SMYD3: variants seen among roughly 807,000 people sequenced by gnomAD.
SMYD3 encodes the protein SET and MYND domain containing 3.
In SMYD3, 36 loss-of-function variants were observed where a neutral mutation model predicts 57.7. The observed-to-expected ratio is 0.62, with a 90% CI of 0.48 to 0.82. The LOEUF (loss-of-function observed/expected upper bound fraction) is 0.82. Among genes scored for constraint, SMYD3 ranks in the 40% least tolerant of loss-of-function variants. The pLI is 0.00. For synonymous variants in SMYD3, 211 were observed against 195.0 expected (o/e 1.08, Z -0.68); for missense variants, 515 against 538.8 (o/e 0.96, Z 0.44).
At chr1:246,350,639 C>A (rs2065807391) in intron 2 of SMYD3, among the ~76,000 whole-genome samples, 1 of 137,332 alleles carries the variant, frequency 7.3e-6, no homozygotes, top group African/African-American at 2.8e-5. Context: ...GGAAGTGGGT[C>A]TGGGGGAAGA....
intron 1 of SMYD3, among the ~76,000 whole-genome samples, chr1:246,419,145 T>G (rs561602640): frequency 6.6e-6 from 1 of 152,094 alleles, no homozygotes; most frequent in Non-Finnish European, 1.5e-5. Context: ...CTAGCAAAAA[T>G]TGCTCCTAAC....
At chr1:245,826,033 TTAAA>T (rs2049470828) in intron 10 of SMYD3, among the ~76,000 whole-genome samples, 1 of 146,666 alleles carries the variant, frequency 6.8e-6, no homozygotes, top group African/African-American at 2.5e-5. Flanking sequence ...TTGTATTTAA[TTAAA>T]TATTTGTTAA....
At chr1:246,376,518 G>A (rs2066279971) in intron 1 of SMYD3, among the ~76,000 whole-genome samples, 1 of 147,008 alleles carries the variant, frequency 6.8e-6, no homozygotes, top group South Asian at 2.2e-4. Context: ...GTGAACCCAG[G>A]AGGCAAAGGT....
At chr1:246,178,180 T>C (rs2062466548) in intron 5 of SMYD3, among the ~76,000 whole-genome samples, 1 of 152,132 alleles carries the variant, frequency 6.6e-6, no homozygotes, top group African/African-American at 2.4e-5. Context: ...ACTGTAAATC[T>C]GGGATGGATG....
chr1:246,051,595 C>T (rs2060068106), intron 5 of SMYD3, among the ~76,000 whole-genome samples: 1 of 150,790 alleles, frequency 6.6e-6, no homozygotes, highest in Non-Finnish European at 1.5e-5. Flanking sequence ...TTATACCTGA[C>T]ACCAGAAAAA....
At chr1:246,174,115 T>A (rs906345550) in intron 5 of SMYD3, among the ~76,000 whole-genome samples, 5 of 152,140 alleles carry the variant, frequency 3.3e-5, no homozygotes, top group African/African-American at 1.2e-4. Context: ...TGGCCAACTT[T>A]ATTTTTTTTA....
chr1:246,185,377 C>A (rs1412120082), intron 5 of SMYD3, among the ~76,000 whole-genome samples: 1 of 151,282 alleles, frequency 6.6e-6, no homozygotes, highest in Non-Finnish European at 1.5e-5. Context: ...GCTGGGACTG[C>A]AGGTGCCCGC....
At chr1:246,201,088 A>G (rs925712954) in intron 5 of SMYD3, among the ~76,000 whole-genome samples, 1 of 152,200 alleles carries the variant, frequency 6.6e-6, no homozygotes, top group Non-Finnish European at 1.5e-5. Context: ...TTTTATATAA[A>G]CCTAAGTTTC....
intron 2 of SMYD3, among the ~76,000 whole-genome samples, chr1:246,347,469 T>C (rs1043385041): frequency 2.6e-5 from 4 of 152,344 alleles, no homozygotes; most frequent in African/African-American, 7.2e-5. Flanking sequence ...ATGTCTGTTT[T>C]AGGTGTTTAT....
At chr1:246,346,433 A>G (rs1453292383) in intron 2 of SMYD3, among the ~76,000 whole-genome samples, 1 of 151,876 alleles carries the variant, frequency 6.6e-6, no homozygotes, top group Non-Finnish European at 1.5e-5. Context: ...GTATTAGTAC[A>G]TTCTTATGCT....
At chr1:246,426,416 C>T (rs557046385) in intron 1 of SMYD3, among the ~76,000 whole-genome samples, 16 of 151,792 alleles carry the variant, frequency 1.1e-4, no homozygotes, top group Middle Eastern at 6.8e-3. Context: ...CTATCCCTAC[C>T]CCATCTCGAC....
At chr1:245,760,485 A>G (rs1334480620) in intron 11 of SMYD3, among the ~76,000 whole-genome samples, 2 of 152,176 alleles carry the variant, frequency 1.3e-5, no homozygotes, top group African/African-American at 4.8e-5. Context: ...CATTCAGGCC[A>G]TCCCTCTGCT....
At chr1:246,346,863 G>A (rs2065728429) in intron 2 of SMYD3, among the ~76,000 whole-genome samples, 1 of 152,184 alleles carries the variant, frequency 6.6e-6, no homozygotes, top group Non-Finnish European at 1.5e-5. Context: ...ATATGGCAAG[G>A]ATGTTGGAAT....
At chr1:246,196,941 T>A (rs576042502) in intron 5 of SMYD3, among the ~76,000 whole-genome samples, 1 of 144,272 alleles carries the variant, frequency 6.9e-6, no homozygotes, top group Non-Finnish European at 1.5e-5. Context: ...GCAGGAAACA[T>A]AAAAAATAAG....
intron 8 of SMYD3, among the ~76,000 whole-genome samples, chr1:245,877,680 A>G (rs2052559773): frequency 6.6e-6 from 1 of 152,212 alleles, no homozygotes. Context: ...GACAACGGCC[A>G]TGCATCTGGC....
chr1:246,006,777 C>A (rs565490137), intron 5 of SMYD3, among the ~76,000 whole-genome samples: 2 of 152,034 alleles, frequency 1.3e-5, no homozygotes, highest in Non-Finnish European at 2.9e-5. Flanking sequence ...CACGCAGACC[C>A]CACAGCTATA....
At chr1:245,838,152 A>C (rs1476899656) in intron 10 of SMYD3, among the ~76,000 whole-genome samples, 1 of 152,252 alleles carries the variant, frequency 6.6e-6, no homozygotes, top group East Asian at 1.9e-4. Flanking sequence ...GTTCAAAGAA[A>C]ATATTTTTGA....
At chr1:246,281,240 G>T (rs748819594) in intron 5 of SMYD3, among the ~76,000 whole-genome samples, 1 of 152,202 alleles carries the variant, frequency 6.6e-6, no homozygotes. Flanking sequence ...TGCCTCACTG[G>T]TGCCAGGTCA....
intron 5 of SMYD3, among the ~76,000 whole-genome samples, chr1:246,000,861 TCTTGA>T (rs1444031314): frequency 3.9e-5 from 6 of 152,328 alleles, no homozygotes; most frequent in African/African-American, 1.4e-4. Context: ...TAAAGCCACA[TCTTGA>T]CTTATGACAT....
Sources: gnomAD v4.1 joint callset for allele counts (sites outside exome capture counted in the v4.1 genomes callset) on GRCh38, gnomAD v4.1.1 for gene constraint, MANE v1.5 for transcripts, NCBI Gene and HGNC (gene_info 2026-07-23, HGNC 2026-07-21) for gene names.